KIFAP3: variants seen among roughly 807,000 people sequenced by gnomAD.
KIFAP3 encodes the protein kinesin associated protein 3, also known as kinesin-associated protein 3.
In KIFAP3, 68 loss-of-function variants were observed where a neutral mutation model predicts 106.5. The ratio of observed to expected loss-of-function variants is 0.64; its 90% CI spans 0.53 to 0.78. KIFAP3 has a LOEUF of 0.78. Ranked by LOEUF, KIFAP3 falls within the 30% of genes least tolerant of loss-of-function variation. The pLI is 0.00. For missense variants in KIFAP3, 780 were observed against 941.8 expected (o/e 0.83, Z 2.25); for synonymous variants, 320 against 311.5 (o/e 1.03, Z -0.29).
intron 10 of KIFAP3, among the ~76,000 whole-genome samples, chr1:170,002,450 G>A (rs1184086336): frequency 6.6e-6 from 1 of 152,078 alleles, no homozygotes; most frequent in Non-Finnish European, 1.5e-5. Context: ...TGTGAAACAG[G>A]CCTGATGTGC....
chr1:170,019,970 T>C (rs1008057719), intron 9 of KIFAP3, among the ~76,000 whole-genome samples: 9 of 152,204 alleles, frequency 5.9e-5, no homozygotes, highest in African/African-American at 2.2e-4. Flanking sequence ...AACTAAAAAG[T>C]GTGTTTAGAA....
In KIFAP3 at chr1:169,924,603, A is replaced by G. The variant is rs16862755; in HGVS notation, c.2274-2822T>C. On this transcript the variant is annotated intron_variant, in intron 19 of 19. Coordinates refer to ENST00000361580, the MANE Select transcript of KIFAP3 (RefSeq NM_014970.4). ...TTTTTAATTAAATTCACTGTGAAAC[A>G]TAACAGTTTGTTTCTTTAAACTCTC... Among the ~76,000 whole-genome samples, 1,396 of 111,862 alleles carry G rather than the reference A, an allele frequency of 0.012. 56 individuals are homozygous for G. The East Asian group carries it at 0.14, about 11-fold the overall frequency. The allele number at this position is 111,862 out of a possible 152,430, so 73.4% of individuals were successfully genotyped here. A position where few individuals can be genotyped will look rare whatever the true frequency, so the allele number is the denominator to read the frequency against.
intron 1 of KIFAP3, among the ~76,000 whole-genome samples, chr1:170,074,206 C>G (rs1671824583): frequency 6.6e-6 from 1 of 152,180 alleles, no homozygotes; most frequent in Non-Finnish European, 1.5e-5. Context: ...AAGAAACCAT[C>G]TTTCAATGCT....
At chr1:170,049,810 AC>A (rs142603033) in intron 2 of KIFAP3, among the ~76,000 whole-genome samples, 47 of 139,402 alleles carry the variant, frequency 3.4e-4, no homozygotes, top group African/African-American at 6.2e-4. Context: ...AAAAAACACC[AC>A]CCCCCCCCAA....
chr1:170,049,068 A>C (rs916914462), intron 2 of KIFAP3, among the ~76,000 whole-genome samples: 1 of 152,202 alleles, frequency 6.6e-6, no homozygotes, highest in African/African-American at 2.4e-5. Context: ...CAAGCTATGA[A>C]CCACTGGCTT....
chr1:170,013,009 G>C (rs1248352166), intron 10 of KIFAP3, among the ~76,000 whole-genome samples: 1 of 152,010 alleles, frequency 6.6e-6, no homozygotes, highest in Non-Finnish European at 1.5e-5. Context: ...GATTTGGGTG[G>C]GGACACAGCC....
chr1:169,972,793 C>G (rs1290980602), intron 16 of KIFAP3, among the ~76,000 whole-genome samples, 195 bp from the exon 17 acceptor site: 1 of 151,154 alleles, frequency 6.6e-6, no homozygotes, highest in Non-Finnish European at 1.5e-5. Context: ...ATAGTAGGGA[C>G]ATAAAAAAGA....
At chr1:169,923,139 C>T (rs1662913277) in intron 19 of KIFAP3, 13 of 972,064 alleles carry the variant, frequency 1.3e-5, no homozygotes, top group Non-Finnish European at 1.6e-5. Context: ...TTGTACTGAG[C>T]GATTCTGGAC....
At chr1:170,023,579 GAATT>G (rs1462506812) in intron 9 of KIFAP3, among the ~76,000 whole-genome samples, 1 of 151,960 alleles carries the variant, frequency 6.6e-6, no homozygotes, top group Non-Finnish European at 1.5e-5. Flanking sequence ...GTGCAGTGAA[GAATT>G]ATTTGTAATA....
intron 10 of KIFAP3, among the ~76,000 whole-genome samples, chr1:170,011,637 G>GA (rs1668247825): frequency 6.6e-6 from 1 of 151,832 alleles, no homozygotes; most frequent in Admixed American, 6.6e-5. Context: ...TTAACCTTAG[G>GA]AAAAATATAT....
At chr1:170,059,075 C>G (rs574114750) in intron 1 of KIFAP3, among the ~76,000 whole-genome samples, 3 of 152,188 alleles carry the variant, frequency 2.0e-5, no homozygotes, top group Admixed American at 1.3e-4. Context: ...CAGGAAAGAT[C>G]TAAAATTGGC....
chr1:170,063,157 G>A (rs552283561), intron 1 of KIFAP3, among the ~76,000 whole-genome samples: 14 of 152,222 alleles, frequency 9.2e-5, no homozygotes, highest in East Asian at 1.9e-4. Context: ...GCAGTTAAAC[G>A]ATAACCAGCC....
intron 12 of KIFAP3, among the ~76,000 whole-genome samples, chr1:169,983,715 G>A (rs1208060115): frequency 6.6e-6 from 1 of 151,716 alleles, no homozygotes; most frequent in Non-Finnish European, 1.5e-5. Flanking sequence ...GCTCTTTTGT[G>A]CCTACAATAT....
rs1406262469 is a variant in KIFAP3 at position 169,954,003 on chromosome 1, CTG to C, written c.2273+6_2273+7del. 6.3e-7 allele frequency: 1 copy of C among 1,599,724 alleles called. No homozygotes were observed. The highest frequency in any genetic ancestry group is 8.6e-7 in the Non-Finnish European group (1 of 1,167,034). On this transcript the variant is annotated splice_donor_region_variant and intron_variant, in intron 19 of 19. Transcript: ENST00000361580. ...TACACATTAGATTTTTCTTGGAAAA[CTG>C]TTTACCTGCCAGGAAATGAATGCTG...
upstream of KIFAP3, among the ~76,000 whole-genome samples, chr1:170,079,449 A>G (rs1671979781): frequency 6.6e-6 from 1 of 152,194 alleles, no homozygotes; most frequent in Non-Finnish European, 1.5e-5. Context: ...CATATTAACA[A>G]TATAAAGGTA....
chr1:169,965,721 T>C (rs1305281078), intron 17 of KIFAP3, among the ~76,000 whole-genome samples: 1 of 152,034 alleles, frequency 6.6e-6, no homozygotes, highest in Non-Finnish European at 1.5e-5. Flanking sequence ...CTTCTAACTT[T>C]AGCCTTCTTA....
intron 1 of KIFAP3, among the ~76,000 whole-genome samples, chr1:170,073,612 T>G (rs1027864801): frequency 6.6e-6 from 1 of 152,226 alleles, no homozygotes; most frequent in Admixed American, 6.5e-5. Context: ...CCCAAAGGAA[T>G]ACATGCGACT....
At chr1:169,934,092 A>G (rs1003030754) in intron 19 of KIFAP3, among the ~76,000 whole-genome samples, 7 of 152,130 alleles carry the variant, frequency 4.6e-5, no homozygotes, top group African/African-American at 1.7e-4. Flanking sequence ...CTTCCCTAGA[A>G]ATGCTTAGGA....
At chr1:169,979,916 T>A (rs1666424663) in intron 15 of KIFAP3, among the ~76,000 whole-genome samples, 2 of 152,158 alleles carry the variant, frequency 1.3e-5, no homozygotes, top group Admixed American at 6.6e-5. Flanking sequence ...GGTGGTATGT[T>A]TATATAATAA....
Sources: gnomAD v4.1 joint callset for allele counts (sites outside exome capture counted in the v4.1 genomes callset) on GRCh38, gnomAD v4.1.1 for gene constraint, MANE v1.5 for transcripts, NCBI Gene and HGNC (gene_info 2026-07-23, HGNC 2026-07-21) for gene names.